SFSWAP: variants seen among roughly 807,000 people sequenced by gnomAD.
The protein encoded by SFSWAP is splicing factor, suppressor of white-apricot homolog.
In SFSWAP, 17 loss-of-function variants were observed where a neutral mutation model predicts 100.7. That is an observed-to-expected ratio of 0.17 (90% CI 0.12 to 0.25). The LOEUF (loss-of-function observed/expected upper bound fraction) is 0.25, where lower values mean the gene tolerates loss of function less well. SFSWAP is among the 10% of genes least tolerant of loss of function. The pLI is 1.00. For missense variants in SFSWAP, 1,005 were observed against 1,262.6 expected (o/e 0.80, Z 3.09); for synonymous variants, 504 against 510.1 (o/e 0.99, Z 0.16).
Position 131,797,780 on chromosome 12 carries a change from C to T in SFSWAP, c.2717+420C>T, listed in dbSNP as rs1413144043. 2.0e-5 allele frequency among the ~76,000 whole-genome samples: 3 copies of T among 152,250 alleles called. No individual in the cohort carries two copies. The East Asian group carries it at 5.8e-4, about 29-fold the overall frequency. On this transcript the variant is annotated intron_variant, in intron 16 of 17. Coordinates refer to ENST00000261674, the MANE Select transcript of SFSWAP (RefSeq NM_004592.4). Reference sequence around the variant, plus strand: ...CAAATGACGCCAACCTGTCACCGGGCATCACACCTGGGCAGCAGCACAGAC... The same window carrying T: ...CAAATGACGCCAACCTGTCACCGGGTATCACACCTGGGCAGCAGCACAGAC...
chr12:131,783,193 A>T (rs1447435999), intron 14 of SFSWAP, among the ~76,000 whole-genome samples: 2 of 152,060 alleles, frequency 1.3e-5, no homozygotes, highest in Non-Finnish European at 2.9e-5. Context: ...AAAAAAAAAA[A>T]AAAAAGATTA....
chr12:131,742,097 G>A (rs1268060388), intron 7 of SFSWAP, among the ~76,000 whole-genome samples: 1 of 152,090 alleles, frequency 6.6e-6, no homozygotes, highest in Non-Finnish European at 1.5e-5. Flanking sequence ...TCCTAGATTG[G>A]ATTTCCTTCC....
At position 131,753,105 on chromosome 12, in the gene SFSWAP, G is replaced by T; in HGVS notation, c.1082-18G>T. On this transcript the variant is annotated intron_variant, in intron 7 of 17. Transcript: ENST00000261674. ...CTGTGGCCGGCCATGCTCACTCCGG[G>T]GCAATGTGTCTCCACAGCGACCGTG... 6.2e-7 allele frequency: 1 copy of T among 1,613,824 alleles called. No homozygotes were observed. Among genetic ancestry groups the T allele is most frequent in the Non-Finnish European group, 8.5e-7 (1 of 1,179,832 alleles).
chr12:131,741,715 A>C (rs1057472512), intron 7 of SFSWAP, among the ~76,000 whole-genome samples: 2 of 150,808 alleles, frequency 1.3e-5, no homozygotes, highest in Non-Finnish European at 2.9e-5. Flanking sequence ...CGCCTGCTGG[A>C]CCCTGCCTCA....
At chr12:131,795,978 TA>T (rs1405460247) in intron 15 of SFSWAP, 1 of 67,600 alleles carries the variant, frequency 1.5e-5, no homozygotes, top group South Asian at 8.9e-4. Context: ...AGGGGAGGGA[TA>T]GGGGAGGGGA....
chr12:131,743,680 G>T (rs566322487), intron 7 of SFSWAP, among the ~76,000 whole-genome samples: 18 of 152,240 alleles, frequency 1.2e-4, no homozygotes, highest in Non-Finnish European at 2.2e-4. Context: ...GGGTCTGGAG[G>T]ATGGTGGCCC....
At chr12:131,740,862 T>C (rs923598140) in intron 7 of SFSWAP, among the ~76,000 whole-genome samples, 2 of 151,780 alleles carry the variant, frequency 1.3e-5, no homozygotes, top group Admixed American at 1.3e-4. Flanking sequence ...CCCTGGGGTG[T>C]GGAGGCAGCT....
At chr12:131,747,129 A>G (rs1025463482) in intron 7 of SFSWAP, among the ~76,000 whole-genome samples, 2 of 142,962 alleles carry the variant, frequency 1.4e-5, no homozygotes, top group Non-Finnish European at 3.1e-5. Flanking sequence ...AGCTCATGCC[A>G]TGCTCGTTAC....
rs1195081643 is a variant in SFSWAP, at chr12:131,794,020, G to T, written c.2535-3158G>T. On this transcript the variant is annotated intron_variant, in intron 15 of 17. Transcript: ENST00000261674. This position sits in a 1 kb window ranked among gnomAD's most constrained non-coding sequence, Gnocchi z 4.8. ...CACCTACTCCCTGACCAGCTGTCCT[G>T]TTCCTAGCTGTGAACTCCTCTATAA... Among the ~76,000 whole-genome samples, 6 of 152,194 alleles carry T rather than the reference G, an allele frequency of 3.9e-5. No individual in the cohort carries two copies. Among genetic ancestry groups the T allele is most frequent in the Non-Finnish European group, 7.3e-5 (5 of 68,036 alleles).
At chr12:131,785,331 C>A in intron 14 of SFSWAP, 1 of 1,100,296 alleles carries the variant, frequency 9.1e-7, no homozygotes, top group Non-Finnish European at 1.3e-6. Flanking sequence ...CCACTCCTGG[C>A]CCTCCAGGAT....
At chr12:131,718,666 C>T (rs972021945) in intron 3 of SFSWAP, among the ~76,000 whole-genome samples, 2 of 152,194 alleles carry the variant, frequency 1.3e-5, no homozygotes, top group African/African-American at 4.8e-5. Flanking sequence ...AGATGAAAAT[C>T]AGTTATCTAG....
intron 7 of SFSWAP, among the ~76,000 whole-genome samples, chr12:131,752,917 G>A (rs991446215): frequency 1.3e-5 from 2 of 152,208 alleles, no homozygotes; most frequent in African/African-American, 4.8e-5. Context: ...GTCTTTGGAT[G>A]CGTGTTGTGG....
intron 4 of SFSWAP, among the ~76,000 whole-genome samples, chr12:131,720,357 G>A (rs1469106919): frequency 3.3e-5 from 5 of 152,196 alleles, no homozygotes; most frequent in Non-Finnish European, 5.9e-5. Flanking sequence ...CTAATAAATA[G>A]CAACTGGGAA....
intron 1 of SFSWAP, 104 bp from the exon 2 acceptor site, chr12:131,713,967 G>T: frequency 6.1e-6 from 4 of 651,506 alleles, no homozygotes; most frequent in South Asian, 9.5e-5. Context: ...TATTTTAATC[G>T]GTAAGTATGT....
intron 4 of SFSWAP, among the ~76,000 whole-genome samples, chr12:131,721,790 C>A (rs1296756354): frequency 2.6e-5 from 4 of 152,168 alleles, no homozygotes; most frequent in Non-Finnish European, 1.5e-5. Flanking sequence ...TAGCAACTTG[C>A]TGTCTTATCA....
intron 15 of SFSWAP, among the ~76,000 whole-genome samples, chr12:131,792,221 TTAC>T (rs1391246563): frequency 9.6e-6 from 1 of 104,082 alleles, no homozygotes; most frequent in Non-Finnish European, 2.0e-5. Context: ...TCACGGATCA[TTAC>T]TGTGTGTGCG....
Position 131,725,502 on chromosome 12 carries a change from C to G in SFSWAP, c.704C>G (p.Ala235Gly), listed in dbSNP as rs1423703749. 6.2e-7 allele frequency: 1 copy of G among 1,614,166 alleles called. No individual in the cohort carries two copies. The highest frequency in any genetic ancestry group is 1.7e-5 in the Admixed American group (1 of 60,028). ...GAGATCATGCTGAAGGCCAAGCAGG[C>G]CCGGAACTCCCAGTTTGACTTTCTG... Reference protein sequence around the residue: ...QFEIMLKAKQARNSQFDFLRF... With the variant: ...QFEIMLKAKQGRNSQFDFLRF... Residue 235 changes from alanine (A) to glycine (G), a missense_variant, in exon 5 of 18, where the codon GCC becomes GGC. Ala to Gly is a moderately conservative substitution (Grantham distance 60, BLOSUM62 0). Coordinates refer to ENST00000261674, the MANE Select transcript of SFSWAP (RefSeq NM_004592.4). The surrounding 1 kb of genome is among the most constrained non-coding windows in gnomAD (Gnocchi z 4.3).
chr12:131,715,480 T>C (rs1877810837), intron 3 of SFSWAP, among the ~76,000 whole-genome samples: 1 of 152,190 alleles, frequency 6.6e-6, no homozygotes, highest in Non-Finnish European at 1.5e-5. Flanking sequence ...AAATTAAAGA[T>C]TTGGAATTTA....
At chr12:131,736,492 T>C (rs1880030898) in intron 7 of SFSWAP, among the ~76,000 whole-genome samples, 1 of 152,226 alleles carries the variant, frequency 6.6e-6, no homozygotes, top group African/African-American at 2.4e-5. Context: ...AAAAAAGATC[T>C]GCAGTGCGAA....
Sources: gnomAD v4.1 joint callset for allele counts (sites outside exome capture counted in the v4.1 genomes callset) on GRCh38, gnomAD v4.1.1 for gene constraint, Gnocchi (gnomAD v3.1) non-coding constraint, MANE v1.5 for transcripts, NCBI Gene and HGNC (gene_info 2026-07-23, HGNC 2026-07-21) for gene names.